Variants in SGK1 observed in about 807,000 individuals in gnomAD.
SGK1 encodes serum/glucocorticoid regulated kinase 1.
In SGK1, 26 loss-of-function variants were observed where a neutral mutation model predicts 64.2. That is an observed-to-expected ratio of 0.40 (90% CI 0.30 to 0.56). The LOEUF (loss-of-function observed/expected upper bound fraction) is 0.56, where lower values mean the gene tolerates loss of function less well. SGK1 is among the 20% of genes least tolerant of loss of function. The pLI is 0.38. For synonymous variants in SGK1, 265 were observed against 239.7 expected (o/e 1.11, Z -0.98); for missense variants, 519 against 645.6 (o/e 0.80, Z 2.12).
At chr6:134,183,374 T>C (rs1775361685) in intron 3 of SGK1, among the ~76,000 whole-genome samples, 1 of 152,264 alleles carries the variant, frequency 6.6e-6, no homozygotes, top group Non-Finnish European at 1.5e-5. Flanking sequence ...CTGATTTCCC[T>C]ACTGCCATAT....
chr6:134,252,029 T>C (rs1360645261), intron 2 of SGK1, among the ~76,000 whole-genome samples: 7 of 152,222 alleles, frequency 4.6e-5, no homozygotes, highest in African/African-American at 1.7e-4. Flanking sequence ...AGTGTTGCGA[T>C]AACAGGCGTG....
intron 1 of SGK1, among the ~76,000 whole-genome samples, chr6:134,301,198 G>C (rs991422542): frequency 6.6e-6 from 1 of 152,210 alleles, no homozygotes; most frequent in Non-Finnish European, 1.5e-5. Flanking sequence ...AGGCAACTAA[G>C]TTTCTGAATA....
rs966218363 is a variant in SGK1, at chr6:134,254,839, C to A, written c.285+7094G>T. Among the ~76,000 whole-genome samples, 40 of 151,978 alleles carry A rather than the reference C, an allele frequency of 2.6e-4. 1 individual carries two copies. Among genetic ancestry groups the A allele is most frequent in the African/African-American group, 8.9e-4 (37 of 41,368 alleles). ...AACTTGCTTTTCTAGCATAATATAC[C>A]ATGGGATATGTCAATATATACAAAT... On this transcript the variant is annotated intron_variant, in intron 2 of 13. Coordinates refer to ENST00000367858, the MANE Select transcript of SGK1 (RefSeq NM_001143676.3).
intron 2 of SGK1, among the ~76,000 whole-genome samples, chr6:134,208,813 T>C (rs1640450379): frequency 6.6e-6 from 1 of 150,596 alleles, no homozygotes; most frequent in African/African-American, 2.5e-5. Context: ...TATACACACA[T>C]ACACGCATGT....
intron 2 of SGK1, among the ~76,000 whole-genome samples, chr6:134,223,196 T>G (rs1776117697): frequency 6.6e-6 from 1 of 151,810 alleles, no homozygotes. Flanking sequence ...TGGAGAAACC[T>G]CATCTCTACT....
intron 2 of SGK1, among the ~76,000 whole-genome samples, chr6:134,216,609 T>C (rs17063522): frequency 0.076 from 11,623 of 152,320 alleles, 602 homozygotes; most frequent in African/African-American, 0.15. Flanking sequence ...GCTAACTCAT[T>C]GCTCCCTAGA....
chr6:134,257,660 C>A (rs1350976545), intron 2 of SGK1, among the ~76,000 whole-genome samples: 1 of 152,116 alleles, frequency 6.6e-6, no homozygotes, highest in African/African-American at 2.4e-5. Flanking sequence ...GGTTAACTAG[C>A]TGAGGCCTAT....
intron 1 of SGK1, among the ~76,000 whole-genome samples, chr6:134,292,465 C>A (rs7754137): frequency 6.6e-6 from 1 of 151,936 alleles, no homozygotes; most frequent in African/African-American, 2.4e-5. Flanking sequence ...TGGTGGCTGG[C>A]GCCTGTAATC....
chr6:134,288,330 T>C (rs1185311050), intron 1 of SGK1, among the ~76,000 whole-genome samples: 1 of 151,992 alleles, frequency 6.6e-6, no homozygotes, highest in Admixed American at 6.6e-5. Flanking sequence ...AGGATAGAGG[T>C]TGCAATAAAC....
rs182052475 is a variant in SGK1, at chr6:134,315,421, T to G, written c.69+1971A>C. ...AAACTTCTTTCTGCATGTACTCAGA[T>G]AAGACATCAGTACCCTGGGTGGTTC... On this transcript the variant is annotated intron_variant, in intron 1 of 13. Transcript: ENST00000367858. Among the ~76,000 whole-genome samples, 14 of 152,366 alleles carry G rather than the reference T, an allele frequency of 9.2e-5. No individual in the cohort carries two copies. In the East Asian group the frequency reaches 2.7e-3, roughly 29 times the overall value.
At chr6:134,302,949 T>A (rs572652274) in intron 1 of SGK1, among the ~76,000 whole-genome samples, 132 of 152,088 alleles carry the variant, frequency 8.7e-4, no homozygotes, top group African/African-American at 3.1e-3. Context: ...GAGAAAGGGT[T>A]TCACCATGTT....
At chr6:134,288,324 T>C (rs1777216050) in intron 1 of SGK1, among the ~76,000 whole-genome samples, 1 of 152,102 alleles carries the variant, frequency 6.6e-6, no homozygotes, top group Admixed American at 6.5e-5. Context: ...AGTAGCAGGA[T>C]AGAGGTTGCA....
intron 2 of SGK1, among the ~76,000 whole-genome samples, chr6:134,210,321 C>T (rs1775868390): frequency 1.3e-5 from 2 of 152,094 alleles, no homozygotes; most frequent in African/African-American, 2.4e-5. Flanking sequence ...AAATATTGCA[C>T]GATTCCGCTT....
chr6:134,204,256 A>AAT (rs1562249480), intron 3 of SGK1, among the ~76,000 whole-genome samples: 7 of 149,780 alleles, frequency 4.7e-5, no homozygotes, highest in African/African-American at 1.7e-4. Context: ...AAATAAATAA[A>AAT]TAAATAAATA....
At chr6:134,296,254 T>G (rs1303319625) in intron 1 of SGK1, among the ~76,000 whole-genome samples, 2 of 152,202 alleles carry the variant, frequency 1.3e-5, no homozygotes, top group Non-Finnish European at 2.9e-5. Context: ...GGACATTTTG[T>G]AAATTTTTCA....
chr6:134,237,592 G>A (rs1226359623), intron 2 of SGK1, among the ~76,000 whole-genome samples: 1 of 152,058 alleles, frequency 6.6e-6, no homozygotes, highest in African/African-American at 2.4e-5. Flanking sequence ...GAGGAGAATC[G>A]CTTGAACCCG....
chr6:134,239,303 C>T (rs1180387762), intron 2 of SGK1, among the ~76,000 whole-genome samples: 2 of 152,244 alleles, frequency 1.3e-5, no homozygotes, highest in African/African-American at 4.8e-5. Context: ...GGTGAGTGAT[C>T]AAGAGAAATC....
chr6:134,214,183 AGTGCTAAGATTAG>A (rs973197012), intron 2 of SGK1, among the ~76,000 whole-genome samples: 1 of 152,092 alleles, frequency 6.6e-6, no homozygotes, highest in Non-Finnish European at 1.5e-5. Flanking sequence ...GGCCTCCTAA[AGTGCTAAGATTAG>A]GTGTTAGCCA....
chr6:134,287,159 A>G (rs1317265640), intron 1 of SGK1, among the ~76,000 whole-genome samples: 1 of 152,104 alleles, frequency 6.6e-6, no homozygotes, highest in African/African-American at 2.4e-5. Flanking sequence ...TTTGGTAGAG[A>G]TGGGGTTTCA....
Sources: allele counts gnomAD v4.1 joint callset (sites outside exome capture counted in the v4.1 genomes callset), GRCh38; gene constraint gnomAD v4.1.1; transcripts MANE v1.5; gene names NCBI Gene and HGNC (gene_info 2026-07-23, HGNC 2026-07-21).